Variants in RASGEF1A observed in about 807,000 individuals in gnomAD.
The protein encoded by RASGEF1A is RasGEF domain family member 1A, also known as ras-GEF domain-containing family member 1A.
In RASGEF1A, 18 loss-of-function variants were observed where a neutral mutation model predicts 56.4. That is an observed-to-expected ratio of 0.32 (90% confidence interval 0.22 to 0.47). RASGEF1A has a LOEUF of 0.47. Ranked by LOEUF, RASGEF1A falls within the 20% of genes least tolerant of loss-of-function variation. The probability of loss-of-function intolerance (pLI) is 1.00; values close to 1 mark genes in which losing one functional copy is unlikely to be tolerated. For synonymous variants in RASGEF1A, 245 were observed against 242.6 expected (o/e 1.01, Z -0.09); for missense variants, 422 against 627.1 (o/e 0.67, Z 3.49).
intron 1 of RASGEF1A, among the ~76,000 whole-genome samples, chr10:43,260,078 A>G (rs1157131439): frequency 3.9e-5 from 6 of 152,170 alleles, no homozygotes; most frequent in Admixed American, 1.3e-4. Flanking sequence ...CAGTGTAATG[A>G]TGCTGGCATC....
intron 1 of RASGEF1A, among the ~76,000 whole-genome samples, chr10:43,243,874 C>T (rs1377322653): frequency 6.6e-6 from 1 of 152,104 alleles, no homozygotes. Context: ...GGAAGTGTAC[C>T]CAACAGCTCC....
At position 43,196,229 on chromosome 10, in the gene RASGEF1A, C is replaced by A. The variant is rs763942490; in HGVS notation, c.*15G>T. On this transcript the variant is annotated 3_prime_UTR_variant, in exon 13 of 13. Transcript: ENST00000395810. The surrounding 1 kb of genome is among the most constrained non-coding windows in gnomAD (Gnocchi z 4.6). ...AGTGCACGTGCTTCCTCTGGCGTCG[C>A]GGGCTGCATCCGCCTCAGGCTCTGT... is the stretch of plus-strand genomic sequence containing the variant. 6.2e-7 allele frequency: 1 copy of A among 1,612,536 alleles called. No individual in the cohort carries two copies. Among genetic ancestry groups the A allele is most frequent in the Non-Finnish European group, 8.5e-7 (1 of 1,178,930 alleles).
intron 1 of RASGEF1A, among the ~76,000 whole-genome samples, chr10:43,243,813 G>C (rs971454459): frequency 6.7e-6 from 1 of 150,152 alleles, no homozygotes; most frequent in Non-Finnish European, 1.5e-5. Context: ...ACCTCTGCCC[G>C]GCCACCCAGC....
chr10:43,205,632 G>A (rs536261450), intron 2 of RASGEF1A, among the ~76,000 whole-genome samples: 10 of 152,250 alleles, frequency 6.6e-5, no homozygotes, highest in South Asian at 6.2e-4. Context: ...GGCCCTGCTC[G>A]GCCCTTGTGT....
rs1839868938 is a variant in RASGEF1A at position 43,200,093 on chromosome 10, G to A, written c.756+89C>T. On this transcript the variant is annotated intron_variant, in intron 6 of 12. Transcript: ENST00000395810. Reference sequence around the variant, plus strand: ...AGCACTCCGGAGACGCTCGGGGCGTGCTGAGTGAGGCCCACACCCACCCTG... The same window carrying A: ...AGCACTCCGGAGACGCTCGGGGCGTACTGAGTGAGGCCCACACCCACCCTG... 3.7e-6 allele frequency: 4 copies of A among 1,089,688 alleles called. No homozygotes were observed. The African/African-American group carries it at 4.7e-5, about 13-fold the overall frequency. 67.5% of individuals were successfully genotyped at this position (1,089,688 alleles called of 1,614,324 possible).
At chr10:43,257,745 C>A (rs1287264375) in intron 1 of RASGEF1A, among the ~76,000 whole-genome samples, 1 of 152,208 alleles carries the variant, frequency 6.6e-6, no homozygotes. Context: ...TTATGCTGCA[C>A]TGACCATTTT....
intron 1 of RASGEF1A, among the ~76,000 whole-genome samples, chr10:43,247,440 A>G (rs981564814): frequency 2.0e-5 from 3 of 152,246 alleles, no homozygotes; most frequent in Non-Finnish European, 4.4e-5. Flanking sequence ...ACCTCTGTCC[A>G]CACAAAAACT....
chr10:43,242,741 C>T (rs183039395), intron 1 of RASGEF1A, among the ~76,000 whole-genome samples: 102 of 152,298 alleles, frequency 6.7e-4, no homozygotes, highest in African/African-American at 2.2e-3. Flanking sequence ...CTGTGTTGAC[C>T]GGGCTGGTTT....
At position 43,254,204 on chromosome 10, in the gene RASGEF1A, C is replaced by T. The variant is rs551395946; in HGVS notation, c.-7+12641G>A. ...TGGAGCCAGGACACTTCAGGGAGGGCGGGAGACAAACAGAGGGGGCCTTCA... is the reference window on the plus strand; with the variant it reads ...TGGAGCCAGGACACTTCAGGGAGGGTGGGAGACAAACAGAGGGGGCCTTCA... On this transcript the variant is annotated intron_variant, in intron 1 of 12. Transcript: ENST00000395810. Among the ~76,000 whole-genome samples the T allele has an allele frequency of 9.9e-5, 15 of 152,274 alleles. No homozygotes were observed. In the East Asian group the frequency reaches 1.9e-3, roughly 20 times the overall value.
intron 10 of RASGEF1A, among the ~76,000 whole-genome samples, chr10:43,197,713 C>A (rs1420051080): frequency 1.3e-5 from 2 of 152,248 alleles, no homozygotes; most frequent in Non-Finnish European, 2.9e-5. Flanking sequence ...GTGGACAGGG[C>A]TCTCTCCCTG....
intron 1 of RASGEF1A, among the ~76,000 whole-genome samples, chr10:43,229,133 A>T (rs774135558): frequency 3.9e-5 from 6 of 152,178 alleles, no homozygotes; most frequent in Admixed American, 3.9e-4. Context: ...TCGAAGCCCC[A>T]CGGTGGGCTC....
At chr10:43,220,467 T>TGACAGAGCCTGGGC (rs1358185833) in intron 1 of RASGEF1A, among the ~76,000 whole-genome samples, 5 of 151,994 alleles carry the variant, frequency 3.3e-5, no homozygotes, top group Non-Finnish European at 5.9e-5. Context: ...CATCCCTGGG[T>TGACAGAGCCTGGGC]GACAGAGCCT....
chr10:43,245,893 T>C (rs975102102), intron 1 of RASGEF1A, among the ~76,000 whole-genome samples: 5 of 152,136 alleles, frequency 3.3e-5, no homozygotes, highest in Non-Finnish European at 5.9e-5. Flanking sequence ...TTAACATTGC[T>C]CTGGAGGTTC....
intron 1 of RASGEF1A, among the ~76,000 whole-genome samples, chr10:43,234,325 G>A (rs1008818572): frequency 3.3e-5 from 5 of 152,208 alleles, no homozygotes; most frequent in Non-Finnish European, 7.3e-5. Context: ...TGTGGAGGAA[G>A]GGACCTGAGC....
rs908893314 is a variant in RASGEF1A at position 43,248,127 on chromosome 10, G to A, written c.-7+18718C>T. 8.0e-5 allele frequency among the ~76,000 whole-genome samples: 12 copies of A among 150,686 alleles called. No individual in the cohort carries two copies. The South Asian group carries it at 8.4e-4, about 11-fold the overall frequency. ...TCCCAGCACTTTGGGAGGCTGAGGCGGGTGGATCACTTGAGGTGAGGAGTT... is the reference window on the plus strand; with the variant it reads ...TCCCAGCACTTTGGGAGGCTGAGGCAGGTGGATCACTTGAGGTGAGGAGTT... On this transcript the variant is annotated intron_variant, in intron 1 of 12. Transcript: ENST00000395810.
rs1254967 is a variant in RASGEF1A at position 43,194,943 on chromosome 10, G to A, written c.*1301C>T. The A allele has an allele frequency of 0.16, 23,714 of 152,688 alleles. 2,604 individuals are homozygous for A. Among genetic ancestry groups the A allele is most frequent in the East Asian group, 0.5 (2,583 of 5,172 alleles). 9.5% of individuals were successfully genotyped at this position (152,688 alleles called of 1,614,324 possible). On this transcript the variant is annotated 3_prime_UTR_variant, in exon 13 of 13. Transcript: ENST00000395810. Reference sequence around the variant, plus strand: ...ACCCAGGACCAGAGGCATGGGCAGCGGGCCCAGGGCTGCCTCCTCCCCAGG... The same window carrying A: ...ACCCAGGACCAGAGGCATGGGCAGCAGGCCCAGGGCTGCCTCCTCCCCAGG...
intron 1 of RASGEF1A, among the ~76,000 whole-genome samples, chr10:43,233,380 C>G (rs1012693134): frequency 2.0e-5 from 3 of 152,066 alleles, no homozygotes; most frequent in Non-Finnish European, 4.4e-5. Context: ...TTGTATATAT[C>G]CAGCACAGGA....
intron 1 of RASGEF1A, among the ~76,000 whole-genome samples, chr10:43,237,653 C>T (rs922222126): frequency 6.6e-6 from 1 of 152,186 alleles, no homozygotes; most frequent in Non-Finnish European, 1.5e-5. Flanking sequence ...TCAGAGGCAC[C>T]AGGCTAACGC....
intron 1 of RASGEF1A, among the ~76,000 whole-genome samples, chr10:43,261,893 C>G (rs568589016): frequency 6.6e-6 from 1 of 152,350 alleles, no homozygotes; most frequent in African/African-American, 2.4e-5. Context: ...GAAGTCCAGG[C>G]AGGAGAAATC....
Sources: allele counts gnomAD v4.1 joint callset (sites outside exome capture counted in the v4.1 genomes callset), GRCh38; gene constraint gnomAD v4.1.1; non-coding constraint Gnocchi (gnomAD v3.1); transcripts MANE v1.5; gene names NCBI Gene and HGNC (gene_info 2026-07-23, HGNC 2026-07-21).